The following ITPRIP variants were observed in gnomAD, a reference collection of about 807,000 sequenced individuals.
ITPRIP encodes the protein inositol 1,4,5-trisphosphate receptor interacting protein, also known as inositol 1,4,5-trisphosphate receptor-interacting protein.
In ITPRIP, 32 loss-of-function variants were observed where a neutral mutation model predicts 35.8. The observed-to-expected ratio is 0.89, with a 90% CI of 0.68 to 1.20. The LOEUF (loss-of-function observed/expected upper bound fraction) is 1.20. ITPRIP is among the 50% of genes most tolerant of loss of function. The pLI is 0.00. For synonymous variants in ITPRIP, 358 were observed against 324.0 expected (o/e 1.11, Z -1.13); for missense variants, 653 against 735.6 (o/e 0.89, Z 1.30).
rs1256370488 is a variant in ITPRIP at position 104,313,182 on chromosome 10, A to G, written c.*1226T>C. 1 of 985,500 alleles carries G rather than the reference A, an allele frequency of 1.0e-6. No homozygotes were observed. The highest frequency in any genetic ancestry group is 1.2e-6 in the Non-Finnish European group (1 of 830,096). The allele number at this position is 985,500 out of a possible 1,614,324, so 61.0% of individuals were successfully genotyped here. A position where few individuals can be genotyped will look rare whatever the true frequency, so the allele number is the denominator to read the frequency against. ...CTAGGTTTCCATAGTTCTTGCTTCC[A>G]TGCACACCCTGCCCTAGGATTGGGA... On this transcript the variant is annotated 3_prime_UTR_variant, in exon 2 of 2. Coordinates refer to ENST00000337478, the MANE Select transcript of ITPRIP (RefSeq NM_001272013.2).
chr10:104,330,577 A>G (rs1331301075), intron 1 of ITPRIP, among the ~76,000 whole-genome samples: 2 of 152,218 alleles, frequency 1.3e-5, no homozygotes, highest in African/African-American at 4.8e-5. Flanking sequence ...GTAGAAATAA[A>G]CAGAGGATTA....
Position 104,313,950 on chromosome 10 carries a change from T to G in ITPRIP, c.*458A>C. 1.0e-6 allele frequency: 1 copy of G among 991,686 alleles called. No individual in the cohort carries two copies. Among genetic ancestry groups the G allele is most frequent in the Non-Finnish European group, 1.2e-6 (1 of 833,858 alleles). The allele number at this position is 991,686 out of a possible 1,614,324, so 61.4% of individuals were successfully genotyped here. A position where few individuals can be genotyped will look rare whatever the true frequency, so the allele number is the denominator to read the frequency against. ...CTGTTAGTGCTTTGGCTGCAGATGG[T>G]CAGGCCAGAAGCTCCTGGGAATAGG... On this transcript the variant is annotated 3_prime_UTR_variant, in exon 2 of 2. Coordinates refer to ENST00000337478, the MANE Select transcript of ITPRIP (RefSeq NM_001272013.2).
Position 104,333,995 on chromosome 10 carries a change from A to T in ITPRIP, c.-14+4251T>A, listed in dbSNP as rs2014197222. The T allele has an allele frequency of 6.6e-6, 1 of 152,216 alleles. No individual in the cohort carries two copies. Among genetic ancestry groups the T allele is most frequent in the Non-Finnish European group, 1.5e-5 (1 of 68,070 alleles). 9.4% of individuals were successfully genotyped at this position (152,216 alleles called of 1,614,324 possible). A position where few individuals can be genotyped will look rare whatever the true frequency, so the allele number is the denominator to read the frequency against. ...AACCCTCCCCACAGCCCTGAGGGTC[A>T]TCCCCATTTTACTGATGATGTTACC... On this transcript the variant is annotated intron_variant, in intron 1 of 1. Transcript: ENST00000337478. The surrounding 1 kb of genome is among the most constrained non-coding windows in gnomAD (Gnocchi z 4.1).
At chr10:104,329,087 A>G (rs996715390) in intron 1 of ITPRIP, among the ~76,000 whole-genome samples, 1 of 151,896 alleles carries the variant, frequency 6.6e-6, no homozygotes. Context: ...GCACGCACAC[A>G]CACACTCTCC....
Position 104,315,197 on chromosome 10 carries a change from G to A in ITPRIP, c.855C>T (p.Asn285=). ...ACAGGGAATCTGTGGCACACAGCAGGTTCTCCATGTCGCCGCAGGGAGGCG... is the reference window on the plus strand; with the variant it reads ...ACAGGGAATCTGTGGCACACAGCAGATTCTCCATGTCGCCGCAGGGAGGCG... ...SMAPPCGDME[N]LLCATDSLYL... Residue 285 remains asparagine, a synonymous_variant, in exon 2 of 2, where the codon AAC becomes AAT. Coordinates refer to ENST00000337478, the MANE Select transcript of ITPRIP (RefSeq NM_001272013.2). This position sits in a 1 kb window ranked among gnomAD's most constrained non-coding sequence, Gnocchi z 5.7. 1 of 1,614,116 alleles carries A rather than the reference G, an allele frequency of 6.2e-7. No individual in the cohort carries two copies. The highest frequency in any genetic ancestry group is 8.5e-7 in the Non-Finnish European group (1 of 1,179,990).
In ITPRIP at chr10:104,328,510, G is replaced by T. The variant is rs138585658; in HGVS notation, c.-14+9736C>A. On this transcript the variant is annotated intron_variant, in intron 1 of 1. Transcript: ENST00000337478. This position sits in a 1 kb window ranked among gnomAD's most constrained non-coding sequence, Gnocchi z 4.1. ...GGGAGGGGAGGCTGCACGCTTAGAC[G>T]CAGGCTCTGCACAATAGCAGACACA... Among the ~76,000 whole-genome samples, 2 of 152,124 alleles carry T rather than the reference G, an allele frequency of 1.3e-5. No individual in the cohort carries two copies. Among genetic ancestry groups the T allele is most frequent in the South Asian group, 4.1e-4 (2 of 4,826 alleles).
intron 1 of ITPRIP, among the ~76,000 whole-genome samples, chr10:104,324,931 G>A (rs1017590541): frequency 6.6e-6 from 1 of 152,196 alleles, no homozygotes; most frequent in Non-Finnish European, 1.5e-5. Flanking sequence ...AACCATGTGA[G>A]CAACACTGGG....
intron 1 of ITPRIP, among the ~76,000 whole-genome samples, chr10:104,321,785 C>T (rs186693921): frequency 1.3e-5 from 2 of 151,238 alleles, no homozygotes; most frequent in Admixed American, 1.3e-4. Context: ...AACCAAAGTC[C>T]AAGAGGCTAA....
Position 104,337,708 on chromosome 10 carries a change from AT to A in ITPRIP, c.-14+537del, listed in dbSNP as rs1186512665. Reference sequence around the variant, plus strand: ...AGTCCCGAAAGAGGAAGCGGCGGGGATTTTATCCGGCCTGAAGCAGCCCCAT... The same window carrying A: ...AGTCCCGAAAGAGGAAGCGGCGGGGATTTATCCGGCCTGAAGCAGCCCCAT... On this transcript the variant is annotated intron_variant, in intron 1 of 1. Transcript: ENST00000337478. 9.9e-5 allele frequency among the ~76,000 whole-genome samples: 15 copies of A among 151,742 alleles called. No individual in the cohort carries two copies. In the South Asian group the frequency reaches 3.1e-3, roughly 32 times the overall value.
intron 1 of ITPRIP, among the ~76,000 whole-genome samples, chr10:104,332,610 T>C (rs1412345447): frequency 6.6e-6 from 1 of 152,194 alleles, no homozygotes; most frequent in Non-Finnish European, 1.5e-5. Context: ...CATCACCTGA[T>C]AAGATGTGGC....
chr10:104,329,041 ATG>A, intron 1 of ITPRIP: 1 of 127,882 alleles, frequency 7.8e-6, no homozygotes, highest in Non-Finnish European at 1.6e-5. Context: ...TCCTGCACGC[ATG>A]CACACACACA....
chr10:104,312,573 G>C lies in ITPRIP; in HGVS notation c.*1835C>G, dbSNP rs1416887128. On this transcript the variant is annotated 3_prime_UTR_variant, in exon 2 of 2. Transcript: ENST00000337478. Reference sequence around the variant, plus strand: ...ACACACTTGAGCTGGTTCATTCCCTGGAGTGCCCCGCAACTGCGTCTAGGG... The same window carrying C: ...ACACACTTGAGCTGGTTCATTCCCTCGAGTGCCCCGCAACTGCGTCTAGGG... 2.1e-6 allele frequency: 2 copies of C among 972,780 alleles called. No homozygotes were observed. The highest frequency in any genetic ancestry group is 3.5e-5 in the African/African-American group (2 of 56,942). 60.3% of individuals were successfully genotyped at this position (972,780 alleles called of 1,614,324 possible). A position where few individuals can be genotyped will look rare whatever the true frequency, so the allele number is the denominator to read the frequency against.
chr10:104,336,919 A>T (rs1451658017), intron 1 of ITPRIP, among the ~76,000 whole-genome samples: 1 of 152,252 alleles, frequency 6.6e-6, no homozygotes, highest in Non-Finnish European at 1.5e-5. Context: ...CGTAAAATGT[A>T]GATTTACTGA....
At chr10:104,334,684 C>T (rs867035497) in intron 1 of ITPRIP, among the ~76,000 whole-genome samples, 1 of 152,232 alleles carries the variant, frequency 6.6e-6, no homozygotes, top group Non-Finnish European at 1.5e-5. Context: ...AGTATCCAGT[C>T]TACCTGGCAG....
At chr10:104,329,904 T>A (rs1272236537) in intron 1 of ITPRIP, among the ~76,000 whole-genome samples, 1 of 152,216 alleles carries the variant, frequency 6.6e-6, no homozygotes, top group Non-Finnish European at 1.5e-5. Context: ...CATGGTTGCA[T>A]GTTAAGGAGT....
At chr10:104,324,171 A>C (rs2013928032) in intron 1 of ITPRIP, 3 of 152,392 alleles carry the variant, frequency 2.0e-5, no homozygotes, top group African/African-American at 7.2e-5. Flanking sequence ...AATGGCTCTG[A>C]ATGTGTCACT....
Position 104,338,421 on chromosome 10 carries a change from C to G in ITPRIP, c.-189G>C, listed in dbSNP as rs2014285173. ...GCCCCCGCTGGCTCCCACCTTCTGG[C>G]CTGCAGCGGCCGGCTCTACTGAACT... On this transcript the variant is annotated 5_prime_UTR_variant, in exon 1 of 2. Transcript: ENST00000337478. 6.6e-6 allele frequency: 1 copy of G among 152,236 alleles called. No individual in the cohort carries two copies. Among genetic ancestry groups the G allele is most frequent in the Non-Finnish European group, 1.5e-5 (1 of 68,042 alleles). 9.4% of individuals were successfully genotyped at this position (152,236 alleles called of 1,614,324 possible).
In ITPRIP at chr10:104,312,410, C is replaced by T. The variant is rs1015968398; in HGVS notation, c.*1998G>A. On this transcript the variant is annotated 3_prime_UTR_variant, in exon 2 of 2. Transcript: ENST00000337478. ...TTACTGGGGTCTCTTCAAAGCAAAA[C>T]GGGATCAGGATGAAGAGGGGGAAAG... is the stretch of plus-strand genomic sequence containing the variant. 31 of 172,256 alleles carry T rather than the reference C, an allele frequency of 1.8e-4. No homozygotes were observed. Among genetic ancestry groups the T allele is most frequent in the Middle Eastern group, 3.0e-3 (1 of 332 alleles). 10.7% of individuals were successfully genotyped at this position (172,256 alleles called of 1,614,324 possible).
intron 1 of ITPRIP, among the ~76,000 whole-genome samples, chr10:104,338,015 G>A (rs1180076987): frequency 1.3e-5 from 2 of 152,194 alleles, no homozygotes; most frequent in African/African-American, 4.8e-5. Flanking sequence ...CCCCGACGCG[G>A]CGGGAACAGG....
Sources: allele counts gnomAD v4.1 joint callset (sites outside exome capture counted in the v4.1 genomes callset), GRCh38; gene constraint gnomAD v4.1.1; non-coding constraint Gnocchi (gnomAD v3.1); transcripts MANE v1.5; gene names NCBI Gene and HGNC (gene_info 2026-07-23, HGNC 2026-07-21).